ATP8A2: variants seen among roughly 807,000 people sequenced by gnomAD.
ATP8A2 encodes ATPase phospholipid transporting 8A2, also known as phospholipid-transporting ATPase IB.
ATP8A2 carries 100 observed loss-of-function variants against 165.6 expected under a neutral mutation model. That is an observed-to-expected ratio of 0.60 (90% CI 0.51 to 0.71). The LOEUF (loss-of-function observed/expected upper bound fraction) is 0.71, where lower values mean the gene tolerates loss of function less well. ATP8A2 is among the 30% of genes least tolerant of loss of function. The probability of loss-of-function intolerance (pLI) is 0.00; values close to 1 mark genes in which losing one functional copy is unlikely to be tolerated. For synonymous variants in ATP8A2, 543 were observed against 548.8 expected, an observed-to-expected ratio of 0.99 and a Z score of 0.15; for missense variants, 1,227 against 1,479.5, an observed-to-expected ratio of 0.83 and a Z score of 2.80.
chr13:25,668,034 G>T (rs1269072057), intron 24 of ATP8A2, among the ~76,000 whole-genome samples: 1 of 151,976 alleles, frequency 6.6e-6, no homozygotes, highest in Non-Finnish European at 1.5e-5. Flanking sequence ...ATTGTTTTGT[G>T]CACGAGTCTT....
intron 25 of ATP8A2, among the ~76,000 whole-genome samples, chr13:25,723,700 T>C (rs1273374101): frequency 6.6e-6 from 1 of 152,066 alleles, no homozygotes; most frequent in Non-Finnish European, 1.5e-5. Flanking sequence ...TTGCAGCCAT[T>C]GTTCTGGGCA....
At chr13:25,472,496 A>G (rs1446333313) in intron 2 of ATP8A2, among the ~76,000 whole-genome samples, 1 of 152,158 alleles carries the variant, frequency 6.6e-6, no homozygotes, top group East Asian at 1.9e-4. Context: ...ATGTTACTGA[A>G]CTCAAGTTTT....
chr13:25,439,336 A>G (rs2034867334), intron 1 of ATP8A2, among the ~76,000 whole-genome samples: 1 of 152,226 alleles, frequency 6.6e-6, no homozygotes, highest in South Asian at 2.1e-4. Flanking sequence ...GGTCAAAAAA[A>G]GGACATCATG....
chr13:25,701,723 A>AACACACACACAC lies in ATP8A2; in HGVS notation c.2384+2411_2384+2422dup, dbSNP rs71077495. 8.4e-3 allele frequency among the ~76,000 whole-genome samples: 1,177 copies of AACACACACACAC among 140,550 alleles called. 6 individuals are homozygous for AACACACACACAC. The highest frequency in any genetic ancestry group is 0.011 in the Middle Eastern group (3 of 268). 92.2% of individuals were successfully genotyped at this position (140,550 alleles called of 152,430 possible). A position where few individuals can be genotyped will look rare whatever the true frequency, so the allele number is the denominator to read the frequency against. On this transcript the variant is annotated intron_variant, in intron 25 of 36. Transcript: ENST00000381655. ...TTTCTTGCCAGGTGCTTGATACTAA[A>AACACACACACAC]ACACACACACACACACACACACACA... is the stretch of plus-strand genomic sequence containing the variant.
At chr13:25,557,193 A>G (rs1278323810) in intron 13 of ATP8A2, among the ~76,000 whole-genome samples, 1 of 152,202 alleles carries the variant, frequency 6.6e-6, no homozygotes, top group Non-Finnish European at 1.5e-5. Context: ...GTATATTCAT[A>G]TAAGTGCTCT....
At position 25,559,778 on chromosome 13, in the gene ATP8A2, T is replaced by C; in HGVS notation, c.1397+13T>C. 1 of 1,596,710 alleles carries C rather than the reference T, an allele frequency of 6.3e-7. No individual in the cohort carries two copies. The highest frequency in any genetic ancestry group is 8.6e-7 in the Non-Finnish European group (1 of 1,164,500). On this transcript the variant is annotated intron_variant, in intron 15 of 36. Transcript: ENST00000381655. Reference sequence around the variant, plus strand: ...CAGATGACTTCTGGTAAGTAGATTCTAGCACTTCTTGACACTTTAGTGGAA... The same window carrying C: ...CAGATGACTTCTGGTAAGTAGATTCCAGCACTTCTTGACACTTTAGTGGAA...
chr13:25,576,108 G>C (rs1311581281), intron 19 of ATP8A2, among the ~76,000 whole-genome samples: 1 of 152,136 alleles, frequency 6.6e-6, no homozygotes, highest in African/African-American at 2.4e-5. Context: ...ACTGAAACAC[G>C]GGTTTCAAGA....
At chr13:25,470,679 A>G (rs1003289094) in intron 2 of ATP8A2, among the ~76,000 whole-genome samples, 8 of 152,360 alleles carry the variant, frequency 5.3e-5, no homozygotes, top group Admixed American at 4.6e-4. Context: ...CAGCAGCATT[A>G]TTGTGAATAG....
At chr13:25,434,027 T>A (rs2034685599) in intron 1 of ATP8A2, among the ~76,000 whole-genome samples, 1 of 152,236 alleles carries the variant, frequency 6.6e-6, no homozygotes. Flanking sequence ...TGTTTACTAT[T>A]TGGGTAATGG....
At position 25,846,605 on chromosome 13, in the gene ATP8A2, C is replaced by A. The variant is rs565206908; in HGVS notation, c.2956+6981C>A. On this transcript the variant is annotated intron_variant, in intron 30 of 36. Transcript: ENST00000381655. ...GTGGAGATAGAGAAGTCAGACCTTTCCAGGCCTTTTGGAATAAATGAGCCT... is the reference window on the plus strand; with the variant it reads ...GTGGAGATAGAGAAGTCAGACCTTTACAGGCCTTTTGGAATAAATGAGCCT... 6.6e-5 allele frequency among the ~76,000 whole-genome samples: 10 copies of A among 152,286 alleles called. No homozygotes were observed. The East Asian group carries it at 1.9e-3, about 29-fold the overall frequency.
chr13:25,714,799 AG>A (rs1566071613), intron 25 of ATP8A2, among the ~76,000 whole-genome samples: 1 of 152,194 alleles, frequency 6.6e-6, no homozygotes, highest in Non-Finnish European at 1.5e-5. Flanking sequence ...TGTCCAATGC[AG>A]GGCACCTGCT....
chr13:25,901,772 T>TA (rs1953754112), intron 33 of ATP8A2, among the ~76,000 whole-genome samples: 2 of 152,236 alleles, frequency 1.3e-5, no homozygotes, highest in African/African-American at 4.8e-5. Flanking sequence ...CGTGTAGGCT[T>TA]GTTCTAGCCT....
intron 25 of ATP8A2, among the ~76,000 whole-genome samples, chr13:25,727,166 A>G (rs1217850771): frequency 1.3e-5 from 2 of 152,210 alleles, no homozygotes; most frequent in East Asian, 1.9e-4. Context: ...TAGCATTTAT[A>G]TGTAAATTAA....
intron 24 of ATP8A2, among the ~76,000 whole-genome samples, chr13:25,616,358 T>A (rs1232269538): frequency 7.3e-6 from 1 of 137,922 alleles, no homozygotes; most frequent in Non-Finnish European, 1.5e-5. Context: ...TGAGACAGAG[T>A]GTTGCTGTTG....
chr13:26,015,535 G>T (rs1956950359), intron 36 of ATP8A2, among the ~76,000 whole-genome samples: 1 of 152,022 alleles, frequency 6.6e-6, no homozygotes, highest in African/African-American at 2.4e-5. Context: ...TCATTAAGAT[G>T]CTATCAGAGC....
chr13:25,559,816 T>A (rs2039088794), intron 15 of ATP8A2, 51 bp downstream of exon 15: 1 of 1,323,120 alleles, frequency 7.6e-7, no homozygotes, highest in Non-Finnish European at 1.1e-6. Flanking sequence ...GCTTTTGGAA[T>A]AATTATTTAT....
At position 25,876,177 on chromosome 13, in the gene ATP8A2, CA is replaced by C. The variant is rs558082833; in HGVS notation, c.3183+13770del. On this transcript the variant is annotated intron_variant, in intron 33 of 36. Coordinates refer to ENST00000381655, the MANE Select transcript of ATP8A2 (RefSeq NM_016529.6). ...TCTGGGGCATTGTTCCTCAGCAGAT[CA>C]GGGGGTGGGTGCTCCAAGGCCCGCT... is the stretch of plus-strand genomic sequence containing the variant. 2.1e-4 allele frequency among the ~76,000 whole-genome samples: 32 copies of C among 152,196 alleles called. No individual in the cohort carries two copies. The South Asian group carries it at 5.4e-3, about 26-fold the overall frequency.
At chr13:25,503,975 TACAA>T (rs1210416279) in intron 2 of ATP8A2, among the ~76,000 whole-genome samples, 1 of 152,236 alleles carries the variant, frequency 6.6e-6, no homozygotes, top group Admixed American at 6.5e-5. Flanking sequence ...TCCAAATGTT[TACAA>T]GCACTGTGAA....
intron 27 of ATP8A2, among the ~76,000 whole-genome samples, chr13:25,799,685 C>G (rs1431125019): frequency 6.6e-6 from 1 of 152,192 alleles, no homozygotes; most frequent in African/African-American, 2.4e-5. Context: ...TGAACAAGGA[C>G]CTTTCCCCTG....
Sources: gnomAD v4.1 joint callset for allele counts (sites outside exome capture counted in the v4.1 genomes callset) on GRCh38, gnomAD v4.1.1 for gene constraint, MANE v1.5 for transcripts, NCBI Gene and HGNC (gene_info 2026-07-23, HGNC 2026-07-21) for gene names.